RBFOX1: variants seen among roughly 807,000 people sequenced by gnomAD.
The protein encoded by RBFOX1 is RNA binding protein fox-1 homolog 1.
A neutral mutation model predicts 57.7 loss-of-function variants in RBFOX1; 8 were observed. The observed-to-expected ratio is 0.14, with a 90% confidence interval of 0.08 to 0.25. The LOEUF is 0.25. Among genes scored for constraint, RBFOX1 ranks in the 10% least tolerant of loss-of-function variants. The pLI is 1.00. For missense variants in RBFOX1, 611 were observed against 548.5 expected (o/e 1.11, Z -1.14); for synonymous variants, 326 against 222.4 (o/e 1.47, Z -4.15).
intron 3 of RBFOX1, among the ~76,000 whole-genome samples, chr16:6,948,651 G>A (rs1203027419): frequency 1.3e-5 from 2 of 151,760 alleles, no homozygotes; most frequent in Admixed American, 6.6e-5. Flanking sequence ...CAAAGTGCTG[G>A]GATTACAAGC....
In RBFOX1 at chr16:7,518,400, G is replaced by T. The variant is rs371402357; in HGVS notation, c.270+11G>T. ...TCTGGCACCGCCACAGTAAGTGGAC[G>T]TGTTTGCTACGGGTGGGAGGTTATG... On this transcript the variant is annotated intron_variant, in intron 5 of 15. Coordinates refer to ENST00000550418, the MANE Select transcript of RBFOX1 (RefSeq NM_018723.4). The T allele has an allele frequency of 1.9e-5, 31 of 1,602,630 alleles. No homozygotes were observed. The African/African-American group carries it at 2.8e-4, about 15-fold the overall frequency.
chr16:7,573,070 G>T (rs1332112948), intron 5 of RBFOX1, among the ~76,000 whole-genome samples: 6 of 152,096 alleles, frequency 3.9e-5, no homozygotes, highest in Non-Finnish European at 8.8e-5. Flanking sequence ...TGGTCAAGGG[G>T]AGAGAGAGTG....
At chr16:6,444,016 A>G (rs1475452164) in intron 2 of RBFOX1, among the ~76,000 whole-genome samples, 1 of 152,216 alleles carries the variant, frequency 6.6e-6, no homozygotes, top group Non-Finnish European at 1.5e-5. Flanking sequence ...ATATGTGTAT[A>G]TGAACAGATA....
At chr16:7,060,655 C>G (rs959532775) in intron 4 of RBFOX1, among the ~76,000 whole-genome samples, 1 of 152,126 alleles carries the variant, frequency 6.6e-6, no homozygotes, top group Non-Finnish European at 1.5e-5. Context: ...AATGGAAGAA[C>G]AAATTTATCC....
chr16:6,430,622 G>C (rs947325893), intron 2 of RBFOX1, among the ~76,000 whole-genome samples: 6 of 152,130 alleles, frequency 3.9e-5, no homozygotes, highest in African/African-American at 1.4e-4. Flanking sequence ...TGGAGAGTAA[G>C]GCCAGGTGTG....
intron 3 of RBFOX1, among the ~76,000 whole-genome samples, chr16:5,651,375 C>G (rs1456551971): frequency 6.6e-6 from 1 of 152,032 alleles, no homozygotes; most frequent in East Asian, 1.9e-4. Flanking sequence ...TCTTGCACAG[C>G]CATTCCTGGA....
At chr16:6,563,526 A>G (rs2097212641) in intron 2 of RBFOX1, among the ~76,000 whole-genome samples, 2 of 152,108 alleles carry the variant, frequency 1.3e-5, no homozygotes, top group Admixed American at 1.3e-4. Flanking sequence ...CAAGGAAAAT[A>G]CTATGGTCAG....
intron 4 of RBFOX1, among the ~76,000 whole-genome samples, chr16:7,502,906 C>A (rs1424388374): frequency 6.6e-6 from 1 of 152,090 alleles, no homozygotes; most frequent in Non-Finnish European, 1.5e-5. Context: ...GCCTGTAATC[C>A]TAGCTACTCG....
intron 2 of RBFOX1, among the ~76,000 whole-genome samples, chr16:6,428,164 T>C (rs554927721): frequency 6.6e-6 from 1 of 151,644 alleles, no homozygotes; most frequent in African/African-American, 2.4e-5. Flanking sequence ...TGTATGCCTG[T>C]AGTTCCAGCT....
At chr16:7,247,580 C>A (rs1321941672) in intron 4 of RBFOX1, among the ~76,000 whole-genome samples, 1 of 152,166 alleles carries the variant, frequency 6.6e-6, no homozygotes, top group Non-Finnish European at 1.5e-5. Context: ...TTAACAAAAG[C>A]TAAAAGCCCC....
At chr16:5,992,022 TG>T (rs2060408723) in intron 4 of RBFOX1, among the ~76,000 whole-genome samples, 1 of 152,128 alleles carries the variant, frequency 6.6e-6, no homozygotes, top group African/African-American at 2.4e-5. Context: ...TTTGTAAAAA[TG>T]CATATACATT....
intron 1 of RBFOX1, among the ~76,000 whole-genome samples, chr16:6,193,425 TAA>T (rs59142664): frequency 0.019 from 2,003 of 105,304 alleles, 10 homozygotes; most frequent in Non-Finnish European, 0.03. Flanking sequence ...TATATATATA[TAA>T]AATTCAGTGA....
intron 11 of RBFOX1, among the ~76,000 whole-genome samples, chr16:7,649,114 G>C (rs2064383288): frequency 2.0e-5 from 3 of 152,104 alleles, no homozygotes; most frequent in African/African-American, 7.2e-5. Flanking sequence ...TATAAAGAAA[G>C]TAAAATGGGG....
At position 7,530,332 on chromosome 16, in the gene RBFOX1, C is replaced by T. The variant is rs146749544; in HGVS notation, c.270+11943C>T. Among the ~76,000 whole-genome samples the T allele has an allele frequency of 1.5e-4, 23 of 152,190 alleles. No individual in the cohort carries two copies. The East Asian group carries it at 4.3e-3, about 28-fold the overall frequency. On this transcript the variant is annotated intron_variant, in intron 5 of 15. Coordinates refer to ENST00000550418, the MANE Select transcript of RBFOX1 (RefSeq NM_018723.4). ...TACAGCCATTTTTAAAATACACATA[C>T]CCGGGGTTATCTCTGCATTGAAATA...
intron 1 of RBFOX1, among the ~76,000 whole-genome samples, chr16:6,239,714 G>A (rs778799975): frequency 5.3e-5 from 8 of 152,080 alleles, no homozygotes; most frequent in Non-Finnish European, 1.0e-4. Flanking sequence ...GACCAGGCTG[G>A]TCTTGAACTC....
intron 2 of RBFOX1, among the ~76,000 whole-genome samples, chr16:6,438,007 C>T (rs759674461): frequency 2.6e-5 from 4 of 152,160 alleles, no homozygotes; most frequent in Non-Finnish European, 5.9e-5. Flanking sequence ...GGTCTTGACT[C>T]TTGTGCCAGG....
chr16:7,487,188 C>T (rs980688905), intron 4 of RBFOX1, among the ~76,000 whole-genome samples: 2 of 152,206 alleles, frequency 1.3e-5, no homozygotes, highest in African/African-American at 4.8e-5. Context: ...GTGTGAGCCA[C>T]TGCGCCTTAA....
intron 4 of RBFOX1, among the ~76,000 whole-genome samples, chr16:7,419,365 C>T (rs1427986529): frequency 2.0e-5 from 3 of 152,166 alleles, no homozygotes; most frequent in East Asian, 3.9e-4. Flanking sequence ...CAGGAGTCTC[C>T]ACTGTCTCTC....
intron 4 of RBFOX1, among the ~76,000 whole-genome samples, chr16:7,290,650 C>T (rs2095751735): frequency 6.6e-6 from 1 of 152,326 alleles, no homozygotes; most frequent in South Asian, 2.1e-4. Flanking sequence ...GCATCCACTA[C>T]AGTAAGCCAA....
Sources: gnomAD v4.1 joint callset for allele counts (sites outside exome capture counted in the v4.1 genomes callset) on GRCh38, gnomAD v4.1.1 for gene constraint, MANE v1.5 for transcripts, NCBI Gene and HGNC (gene_info 2026-07-23, HGNC 2026-07-21) for gene names.